Variants in FA2H observed in about 807,000 individuals in gnomAD.
The protein encoded by FA2H is fatty acid 2-hydroxylase.
A neutral mutation model predicts 44.9 loss-of-function variants in FA2H; 22 were observed. The observed-to-expected ratio is 0.49, with a 90% CI of 0.35 to 0.70. FA2H has a LOEUF of 0.70. FA2H is among the 30% of genes least tolerant of loss of function. The probability of loss-of-function intolerance (pLI) is 0.01; values close to 1 mark genes in which losing one functional copy is unlikely to be tolerated. For synonymous variants in FA2H, 243 were observed against 213.2 expected (o/e 1.14, Z -1.22); for missense variants, 501 against 504.9 (o/e 0.99, Z 0.07).
At chr16:74,769,824 G>T (rs1018362832) in intron 1 of FA2H, among the ~76,000 whole-genome samples, 2 of 152,216 alleles carry the variant, frequency 1.3e-5, no homozygotes, top group Non-Finnish European at 2.9e-5. Context: ...CCACCGCCCT[G>T]AGCTCCTTCC....
chr16:74,742,314 T>A (rs1962330006), intron 1 of FA2H, among the ~76,000 whole-genome samples: 1 of 151,950 alleles, frequency 6.6e-6, no homozygotes, highest in Non-Finnish European at 1.5e-5. Flanking sequence ...CCCTGCCACG[T>A]GGTGGGGAAA....
At chr16:74,758,008 G>A (rs1328540728) in intron 1 of FA2H, among the ~76,000 whole-genome samples, 1 of 152,032 alleles carries the variant, frequency 6.6e-6, no homozygotes, top group Non-Finnish European at 1.5e-5. Context: ...GATAGAGTGA[G>A]AGCCTGTCTT....
At chr16:74,727,610 G>GT (rs1194565720) in intron 2 of FA2H, among the ~76,000 whole-genome samples, 1 of 152,206 alleles carries the variant, frequency 6.6e-6, no homozygotes, top group Non-Finnish European at 1.5e-5. Context: ...ACCTAAGCTG[G>GT]TGTGATGAGC....
At chr16:74,716,647 C>G (rs1423862134) in intron 5 of FA2H, 48 bp from the exon 6 acceptor site, 3 of 1,515,386 alleles carry the variant, frequency 2.0e-6, no homozygotes, top group Admixed American at 4.1e-5. Flanking sequence ...GGGGCCCCGG[C>G]AGCTGGCCAA....
chr16:74,734,437 G>A (rs1962141585), intron 2 of FA2H, among the ~76,000 whole-genome samples: 1 of 152,240 alleles, frequency 6.6e-6, no homozygotes, highest in East Asian at 1.9e-4. Flanking sequence ...AACGGGCCGG[G>A]GCCCAGGAAG....
At chr16:74,766,835 G>A (rs2144664689) in intron 1 of FA2H, among the ~76,000 whole-genome samples, 1 of 152,316 alleles carries the variant, frequency 6.6e-6, no homozygotes, top group Non-Finnish European at 1.5e-5. Context: ...CATCAACAGA[G>A]TGCATGATGC....
At chr16:74,752,422 T>G (rs1428991309) in intron 1 of FA2H, among the ~76,000 whole-genome samples, 1 of 151,936 alleles carries the variant, frequency 6.6e-6, no homozygotes, top group African/African-American at 2.4e-5. Context: ...CCCACCAGAC[T>G]CCATCCCTCC....
At chr16:74,726,395 T>C (rs1597546130) in intron 3 of FA2H, 64 bp from the exon 4 acceptor site, 1 of 18,678 alleles carries the variant, frequency 5.4e-5, no homozygotes, top group South Asian at 2.8e-4. Flanking sequence ...TACAGCTTTC[T>C]TTTTTTTTTT....
intron 1 of FA2H, among the ~76,000 whole-genome samples, chr16:74,749,479 C>T (rs1367108840): frequency 1.3e-5 from 2 of 152,160 alleles, no homozygotes; most frequent in African/African-American, 4.8e-5. Context: ...TGTGCCTGAG[C>T]TGTGACCAAC....
intron 2 of FA2H, among the ~76,000 whole-genome samples, chr16:74,732,769 T>G (rs952628364): frequency 2.6e-5 from 4 of 152,160 alleles, no homozygotes; most frequent in Non-Finnish European, 5.9e-5. Context: ...TTGAATTCAG[T>G]TGAACCACAA....
intron 1 of FA2H, among the ~76,000 whole-genome samples, chr16:74,743,935 C>T (rs1265663863): frequency 2.0e-5 from 3 of 152,182 alleles, no homozygotes; most frequent in Admixed American, 2.0e-4. Context: ...AGGGACACGT[C>T]CTCCGGTGCA....
At chr16:74,718,852 T>A in intron 5 of FA2H, 136 bp downstream of exon 5, 1 of 1,035,130 alleles carries the variant, frequency 9.7e-7, no homozygotes, top group Non-Finnish European at 1.4e-6. Flanking sequence ...GCCCCGTGAG[T>A]CACATCAAAC....
In FA2H at chr16:74,732,125, C is replaced by T. The variant is rs551605495; in HGVS notation, c.364-4739G>A. ...TCTCGAGCTCCTGGGCTCAAGTGAT[C>T]CTCCCGCCTCAGCCTCCCAAAGTGC... is the stretch of plus-strand genomic sequence containing the variant. On this transcript the variant is annotated intron_variant, in intron 2 of 6. Coordinates refer to ENST00000219368, the MANE Select transcript of FA2H (RefSeq NM_024306.5). Among the ~76,000 whole-genome samples the T allele has an allele frequency of 3.3e-5, 5 of 152,326 alleles. No homozygotes were observed. The South Asian group carries it at 6.2e-4, about 19-fold the overall frequency.
At chr16:74,718,489 C>A (rs1961757478) in intron 5 of FA2H, among the ~76,000 whole-genome samples, 1 of 152,124 alleles carries the variant, frequency 6.6e-6, no homozygotes, top group Non-Finnish European at 1.5e-5. Flanking sequence ...ACTCTGGAAT[C>A]CCCAGAATGG....
chr16:74,733,200 C>G (rs1199630998), intron 2 of FA2H, among the ~76,000 whole-genome samples: 1 of 152,168 alleles, frequency 6.6e-6, no homozygotes, highest in Admixed American at 6.5e-5. Context: ...GGAGGAATCC[C>G]AGGGAGGCCT....
At chr16:74,740,480 C>G (rs745793881) in intron 1 of FA2H, among the ~76,000 whole-genome samples, 1 of 151,430 alleles carries the variant, frequency 6.6e-6, no homozygotes, top group African/African-American at 2.4e-5. Context: ...GTTTACCAGG[C>G]GTGGTGGTGC....
At chr16:74,728,570 A>G (rs6564162) in intron 2 of FA2H, among the ~76,000 whole-genome samples, 132,467 of 152,090 alleles carry the variant, frequency 0.87, 58,052 homozygotes, top group African/African-American at 0.97. Flanking sequence ...GCAGCAGGAA[A>G]AAAGCTGCTG....
intron 2 of FA2H, among the ~76,000 whole-genome samples, chr16:74,731,745 A>G (rs950880429): frequency 1.3e-5 from 2 of 152,216 alleles, no homozygotes; most frequent in African/African-American, 4.8e-5. Context: ...AATATTTAAC[A>G]ATATTCCATA....
rs1447325337 is a variant in FA2H at position 74,714,204 on chromosome 16, G to C, written c.1105C>G (p.Leu369Val). ...GGTGGGAGTTGTCACTGCGTCTTCA[G>C]GTGGGGTTTCTCTGGAGTGAGGGTG... ...FHTLTPEKPH[L>V]KTQ The change falls in exon 7 of 7, where the codon CTG (leucine) becomes GTG (valine). Residue 369 changes from leucine (L) to valine (V), a missense_variant. Coordinates refer to ENST00000219368, the MANE Select transcript of FA2H (RefSeq NM_024306.5). The C allele has an allele frequency of 1.3e-6, 2 of 1,564,124 alleles. No homozygotes were observed. The highest frequency in any genetic ancestry group is 1.7e-6 in the Non-Finnish European group (2 of 1,153,698).
Sources: gnomAD v4.1 joint callset for allele counts (sites outside exome capture counted in the v4.1 genomes callset) on GRCh38, gnomAD v4.1.1 for gene constraint, MANE v1.5 for transcripts, NCBI Gene and HGNC (gene_info 2026-07-23, HGNC 2026-07-21) for gene names.